PLA2R1: variants seen among roughly 807,000 people sequenced by gnomAD.
PLA2R1 encodes phospholipase A2 receptor 1.
In PLA2R1, 158 loss-of-function variants were observed where a neutral mutation model predicts 195.9. The ratio of observed to expected loss-of-function variants is 0.81; its 90% CI spans 0.71 to 0.92. PLA2R1 has a LOEUF of 0.92. Ranked by LOEUF, PLA2R1 falls within the 40% of genes least tolerant of loss-of-function variation. The probability of loss-of-function intolerance (pLI) is 0.00; values close to 1 mark genes in which losing one functional copy is unlikely to be tolerated. For missense variants in PLA2R1, 1,626 were observed against 1,764.6 expected (o/e 0.92, Z 1.41); for synonymous variants, 586 against 598.2 (o/e 0.98, Z 0.30).
chr2:159,980,156 T>C (rs1033478017), intron 13 of PLA2R1, among the ~76,000 whole-genome samples: 56 of 152,280 alleles, frequency 3.7e-4, no homozygotes, highest in African/African-American at 1.3e-3. Context: ...CATTGAACAT[T>C]TTAAATGTGC....
chr2:160,032,200 C>T (rs1439753654), intron 4 of PLA2R1, among the ~76,000 whole-genome samples: 3 of 152,116 alleles, frequency 2.0e-5, no homozygotes, highest in African/African-American at 7.2e-5. Flanking sequence ...GTTTTTCTTT[C>T]TATATACCTG....
At chr2:159,996,924 G>A (rs1449733694) in intron 11 of PLA2R1, among the ~76,000 whole-genome samples, 3 of 152,036 alleles carry the variant, frequency 2.0e-5, no homozygotes, top group East Asian at 3.9e-4. Flanking sequence ...GGATCCAGCT[G>A]TTCTTGCATG....
intron 2 of PLA2R1, among the ~76,000 whole-genome samples, chr2:160,043,007 C>G (rs755239820): frequency 2.0e-5 from 3 of 151,776 alleles, no homozygotes; most frequent in Non-Finnish European, 4.4e-5. Flanking sequence ...AAGAGGTGAT[C>G]CAGCAGAAGG....
At chr2:160,042,306 G>C in intron 2 of PLA2R1, 108 bp from the exon 3 acceptor site, 2 of 851,012 alleles carry the variant, frequency 2.4e-6, no homozygotes, top group Non-Finnish European at 1.9e-6. Context: ...TCTTGGGGCA[G>C]ATACTCACTA....
chr2:160,058,225 T>A (rs1212843574), intron 1 of PLA2R1, among the ~76,000 whole-genome samples: 2 of 152,094 alleles, frequency 1.3e-5, no homozygotes, highest in Non-Finnish European at 2.9e-5. Flanking sequence ...AATGAACAAC[T>A]GAGGCCATCA....
intron 11 of PLA2R1, among the ~76,000 whole-genome samples, chr2:159,988,565 G>A (rs1373703966): frequency 6.6e-6 from 1 of 152,182 alleles, no homozygotes; most frequent in East Asian, 1.9e-4. Flanking sequence ...AGTGACATTT[G>A]AGCTGAATTT....
intron 11 of PLA2R1, among the ~76,000 whole-genome samples, chr2:159,987,734 A>G (rs1269476676): frequency 1.3e-5 from 2 of 152,252 alleles, no homozygotes; most frequent in African/African-American, 4.8e-5. Flanking sequence ...CATAGTGCTC[A>G]TCCTCTAACA....
At position 160,042,085 on chromosome 2, in the gene PLA2R1, A is replaced by C. The variant is rs1231051689; in HGVS notation, c.607T>G (p.Trp203Gly). 2.5e-6 allele frequency: 4 copies of C among 1,614,108 alleles called. No individual in the cohort carries two copies. Among genetic ancestry groups the C allele is most frequent in the Non-Finnish European group, 3.4e-6 (4 of 1,180,034 alleles). ...TREGREDDLL[W>G]CATTSRYERD... ...TCATAACGGCTTGTCGTGGCACACC[A>C]CAGTAAGTCATCTTCCCGACCTTCA... Residue 203 changes from tryptophan to glycine, a missense_variant, in exon 3 of 30, where the codon TGG (tryptophan) becomes GGG (glycine). Physicochemically the swap from Trp to Gly is radical, Grantham distance 184 (BLOSUM62 -2). Transcript: ENST00000283243.
intron 1 of PLA2R1, among the ~76,000 whole-genome samples, chr2:160,055,295 G>C (rs1184514610): frequency 6.6e-6 from 1 of 152,176 alleles, no homozygotes; most frequent in African/African-American, 2.4e-5. Flanking sequence ...TGGGAGAAAC[G>C]GAGTCAAGAA....
rs769796831 is a variant in PLA2R1, at chr2:160,020,290, A to C, written c.1295-27T>G. ...TGTAAGAGATAAATGTAAATTACTT[A>C]TGGGATCCTATTATTTGCAAAGGAG... On this transcript the variant is annotated intron_variant, in intron 7 of 29. Coordinates refer to ENST00000283243, the MANE Select transcript of PLA2R1 (RefSeq NM_007366.5). The C allele has an allele frequency of 5.1e-6, 8 of 1,559,380 alleles. No individual in the cohort carries two copies. In the East Asian group the frequency reaches 1.6e-4, roughly 31 times the overall value.
intron 8 of PLA2R1, 99 bp downstream of exon 8, chr2:160,020,007 T>C: frequency 2.7e-6 from 2 of 751,718 alleles, no homozygotes; most frequent in Non-Finnish European, 2.2e-6. Context: ...GAACAGGGAC[T>C]GCACCTGTCT....
intron 13 of PLA2R1, among the ~76,000 whole-genome samples, chr2:159,980,383 A>T (rs932351393): frequency 6.6e-5 from 10 of 152,250 alleles, no homozygotes; most frequent in Non-Finnish European, 1.3e-4. Context: ...TCTAGCCAAG[A>T]GGACCTTTCA....
At chr2:160,027,652 G>A (rs1172503310) in intron 6 of PLA2R1, among the ~76,000 whole-genome samples, 1 of 152,086 alleles carries the variant, frequency 6.6e-6, no homozygotes, top group Non-Finnish European at 1.5e-5. Context: ...TTGGAGCTAA[G>A]ACATTAATTC....
intron 8 of PLA2R1, among the ~76,000 whole-genome samples, chr2:160,018,033 T>C (rs1431929358): frequency 6.6e-6 from 1 of 152,202 alleles, no homozygotes; most frequent in East Asian, 1.9e-4. Flanking sequence ...ATTGGGGAAC[T>C]TGTTAATTAT....
At chr2:159,979,255 T>C (rs1048378635) in intron 14 of PLA2R1, among the ~76,000 whole-genome samples, 2 of 152,160 alleles carry the variant, frequency 1.3e-5, no homozygotes, top group African/African-American at 4.8e-5. Flanking sequence ...CCATTGCAAC[T>C]GGAAAAAAAT....
the PLA2R1 span, among the ~76,000 whole-genome samples, chr2:159,926,360 G>T: frequency 6.6e-6 from 1 of 152,022 alleles, no homozygotes; most frequent in Non-Finnish European, 1.5e-5. Context: ...TTACAGTTGT[G>T]TTCAGTCATG....
rs143383443 is a variant in PLA2R1 at position 159,954,785 on chromosome 2, G to A, written c.3301+414C>T. On this transcript the variant is annotated intron_variant, in intron 23 of 29. Coordinates refer to ENST00000283243, the MANE Select transcript of PLA2R1 (RefSeq NM_007366.5). ...TGCCCATCAGATCTAGAAGATTGCT[G>A]CATGCCACATTTAGCCACAGAGACC... 3.2e-4 allele frequency among the ~76,000 whole-genome samples: 49 copies of A among 152,206 alleles called. 1 individual carries two copies. The East Asian group carries it at 7.7e-3, about 24-fold the overall frequency.
chr2:159,983,010 G>A (rs1336725651), intron 13 of PLA2R1, among the ~76,000 whole-genome samples: 3 of 152,190 alleles, frequency 2.0e-5, no homozygotes, highest in Non-Finnish European at 4.4e-5. Context: ...AATGCAGGCT[G>A]ACTGACAAGA....
In PLA2R1 at chr2:160,056,490, C is replaced by T. The variant is rs1206503690; in HGVS notation, c.109+5805G>A. Among the ~76,000 whole-genome samples, 53 of 152,322 alleles carry T rather than the reference C, an allele frequency of 3.5e-4. 1 individual carries two copies. The highest frequency in any genetic ancestry group is 1.6e-4 in the Non-Finnish European group (11 of 68,024). ...ATCTGGTCACTACCAAGAATAGGTC[C>T]ATCTCCAAAACTTGGATTTTGCACT... On this transcript the variant is annotated intron_variant, in intron 1 of 29. Coordinates refer to ENST00000283243, the MANE Select transcript of PLA2R1 (RefSeq NM_007366.5).
Sources: gnomAD v4.1 joint callset for allele counts (sites outside exome capture counted in the v4.1 genomes callset) on GRCh38, gnomAD v4.1.1 for gene constraint, MANE v1.5 for transcripts, NCBI Gene and HGNC (gene_info 2026-07-23, HGNC 2026-07-21) for gene names.